The following MIS18A variants were observed in gnomAD, a reference collection of about 807,000 sequenced individuals.
MIS18A encodes the protein protein Mis18-alpha.
MIS18A carries 14 observed loss-of-function variants against 25.0 expected under a neutral mutation model. The ratio of observed to expected loss-of-function variants is 0.56; its 90% CI spans 0.37 to 0.88. MIS18A has a LOEUF of 0.88. Ranked by LOEUF, MIS18A falls within the 40% of genes least tolerant of loss-of-function variation. MIS18A has a pLI of 0.00. For synonymous variants in MIS18A, 134 were observed against 118.6 expected (o/e 1.13, Z -0.84); for missense variants, 292 against 290.8 (o/e 1.00, Z -0.03).
the MIS18A span, among the ~76,000 whole-genome samples, chr21:32,251,331 C>A: frequency 2.7e-5 from 4 of 150,862 alleles, no homozygotes; most frequent in Admixed American, 6.6e-5. Context: ...CAATTCAATA[C>A]CCAGTCTCTC....
chr21:32,257,842 G>C, the MIS18A span, among the ~76,000 whole-genome samples: 185 of 152,266 alleles, frequency 1.2e-3, 4 homozygotes, highest in East Asian at 0.032. Flanking sequence ...CTTAATGCAC[G>C]AGTATTTTTT....
chr21:32,221,704 C>T, the MIS18A span, among the ~76,000 whole-genome samples: 1 of 145,724 alleles, frequency 6.9e-6, no homozygotes, highest in African/African-American at 2.6e-5. Context: ...ATGGCAAAAC[C>T]CTATCTCTAC....
At chr21:32,183,116 C>T in the MIS18A span, among the ~76,000 whole-genome samples, 1 of 152,202 alleles carries the variant, frequency 6.6e-6, no homozygotes, top group African/African-American at 2.4e-5. Flanking sequence ...GTCTTAGTAT[C>T]TATTCCCCTG....
chr21:32,278,650 C>A (rs554626762), intron 1 of MIS18A, 31 bp downstream of exon 1: 18 of 1,473,984 alleles, frequency 1.2e-5, no homozygotes, highest in Non-Finnish European at 1.6e-5. Flanking sequence ...GGCGACCCCA[C>A]GCCCCCCCTG....
At chr21:32,157,554 G>T in the MIS18A span, among the ~76,000 whole-genome samples, 1 of 151,890 alleles carries the variant, frequency 6.6e-6, no homozygotes, top group African/African-American at 2.4e-5. Context: ...TGTTTTTAAA[G>T]AAGCTAAATG....
chr21:32,178,370 T>C, the MIS18A span, among the ~76,000 whole-genome samples: 1 of 152,244 alleles, frequency 6.6e-6, no homozygotes, highest in Non-Finnish European at 1.5e-5. Flanking sequence ...CATTGTTTTC[T>C]TAGGTTTATT....
chr21:32,222,816 A>ATCTACTTG, the MIS18A span, among the ~76,000 whole-genome samples: 1 of 151,878 alleles, frequency 6.6e-6, no homozygotes, highest in African/African-American at 2.4e-5. Context: ...CTGTAGTCCC[A>ATCTACTTG]TCTACTTGGG....
At chr21:32,254,487 C>A in the MIS18A span, among the ~76,000 whole-genome samples, 1 of 150,534 alleles carries the variant, frequency 6.6e-6, no homozygotes, top group Non-Finnish European at 1.5e-5. Flanking sequence ...GCCAAGATTG[C>A]GTCATTGCAC....
chr21:32,246,281 G>A, the MIS18A span, among the ~76,000 whole-genome samples: 1 of 152,170 alleles, frequency 6.6e-6, no homozygotes, highest in Non-Finnish European at 1.5e-5. Context: ...GGAAAGAGAA[G>A]CTGGGCCAGC....
the MIS18A span, among the ~76,000 whole-genome samples, chr21:32,214,589 A>G: frequency 6.6e-6 from 1 of 152,350 alleles, no homozygotes; most frequent in East Asian, 1.9e-4. Context: ...TCACAGATTA[A>G]GGCATAATTT....
At chr21:32,245,496 A>G in the MIS18A span, among the ~76,000 whole-genome samples, 1 of 152,166 alleles carries the variant, frequency 6.6e-6, no homozygotes, top group Non-Finnish European at 1.5e-5. Context: ...AATTCAGGAG[A>G]AGCACCTTCC....
At chr21:32,215,328 G>C in the MIS18A span, among the ~76,000 whole-genome samples, 1 of 152,130 alleles carries the variant, frequency 6.6e-6, no homozygotes, top group African/African-American at 2.4e-5. Context: ...AAATTTACAG[G>C]GGTAGCACTG....
At chr21:32,228,179 C>G in the MIS18A span, among the ~76,000 whole-genome samples, 1 of 152,180 alleles carries the variant, frequency 6.6e-6, no homozygotes, top group East Asian at 1.9e-4. Context: ...ACCTCTGCCT[C>G]CCAGGTTCAA....
intron 2 of MIS18A, among the ~76,000 whole-genome samples, chr21:32,274,569 G>A (rs911377261): frequency 2.0e-5 from 3 of 152,118 alleles, no homozygotes; most frequent in African/African-American, 7.2e-5. Flanking sequence ...AAAAGGGAAT[G>A]TCAGCATATG....
At chr21:32,251,893 C>T in the MIS18A span, among the ~76,000 whole-genome samples, 1 of 152,070 alleles carries the variant, frequency 6.6e-6, no homozygotes, top group Non-Finnish European at 1.5e-5. Flanking sequence ...TGCTACAGTC[C>T]TCTCTTTGGA....
the MIS18A span, among the ~76,000 whole-genome samples, chr21:32,215,272 T>A: frequency 6.6e-6 from 1 of 152,146 alleles, no homozygotes; most frequent in East Asian, 1.9e-4. Context: ...TCACCCCTCC[T>A]TTCCCCCTGC....
At chr21:32,271,642 C>A (rs1229537212) in intron 2 of MIS18A, among the ~76,000 whole-genome samples, 1 of 152,148 alleles carries the variant, frequency 6.6e-6, no homozygotes, top group Non-Finnish European at 1.5e-5. Flanking sequence ...GAAATAGTCT[C>A]GCTATGTTGC....
chr21:32,171,904 A>C, the MIS18A span, among the ~76,000 whole-genome samples: 5 of 152,050 alleles, frequency 3.3e-5, no homozygotes, highest in East Asian at 7.7e-4. Flanking sequence ...TCATACTGCC[A>C]GAAGGACAAG....
At chr21:32,269,253 A>T (rs539080391) in intron 4 of MIS18A, 136 bp from the exon 5 acceptor site, 1 of 649,150 alleles carries the variant, frequency 1.5e-6, no homozygotes, top group Admixed American at 3.3e-5. Context: ...TTCAGTGTTT[A>T]ACAAAACTAT....
Sources: gnomAD v4.1 joint callset for allele counts (sites outside exome capture counted in the v4.1 genomes callset) on GRCh38, gnomAD v4.1.1 for gene constraint, MANE v1.5 for transcripts, NCBI Gene and HGNC (gene_info 2026-07-23, HGNC 2026-07-21) for gene names.